GPATCH2L: variants seen among roughly 807,000 people sequenced by gnomAD.
GPATCH2L encodes the protein G-patch domain containing 2 like, also known as G patch domain-containing protein 2-like.
GPATCH2L carries 31 observed loss-of-function variants against 57.4 expected under a neutral mutation model. The observed-to-expected ratio is 0.54, with a 90% CI of 0.41 to 0.73. The LOEUF (loss-of-function observed/expected upper bound fraction) is 0.73. Among genes scored for constraint, GPATCH2L ranks in the 30% least tolerant of loss-of-function variants. The pLI, the probability that GPATCH2L is intolerant of heterozygous loss-of-function variation, is 0.00. For missense variants in GPATCH2L, 481 were observed against 599.9 expected, an observed-to-expected ratio of 0.80 and a Z score of 2.07; for synonymous variants, 199 against 210.7, an observed-to-expected ratio of 0.94 and a Z score of 0.48.
intron 1 of GPATCH2L, among the ~76,000 whole-genome samples, chr14:76,220,040 G>A (rs1165021439): frequency 6.6e-6 from 1 of 151,558 alleles, no homozygotes; most frequent in Non-Finnish European, 1.5e-5. Context: ...GCCTTCCCTG[G>A]CTCCACGTTG....
intron 5 of GPATCH2L, chr14:76,175,021 T>A (rs2039259171): frequency 6.6e-6 from 1 of 152,232 alleles, no homozygotes; most frequent in Non-Finnish European, 1.5e-5. Flanking sequence ...AAAACGCTGC[T>A]TTTTCTGTTT....
chr14:76,219,587 C>T (rs2040505056), intron 1 of GPATCH2L, among the ~76,000 whole-genome samples: 1 of 152,030 alleles, frequency 6.6e-6, no homozygotes, highest in African/African-American at 2.4e-5. Flanking sequence ...TAACGTATGT[C>T]AACATAAAAA....
chr14:76,222,816 C>T (rs1426243516), intron 1 of GPATCH2L, among the ~76,000 whole-genome samples: 2 of 151,434 alleles, frequency 1.3e-5, no homozygotes, highest in Admixed American at 6.6e-5. Context: ...ATTAGCTGGT[C>T]GTGGTGGCAT....
At position 76,212,271 on chromosome 14, in the gene GPATCH2L, T is replaced by G. The variant is rs190310620; in HGVS notation, c.*10420T>G. 1 of 151,922 alleles carries G rather than the reference T, an allele frequency of 6.6e-6. No homozygotes were observed. The highest frequency in any genetic ancestry group is 1.5e-5 in the Non-Finnish European group (1 of 67,962). 9.4% of individuals were successfully genotyped at this position (151,922 alleles called of 1,614,324 possible). ...CTTATCTGTAGATAAAAGGCAAAAA[T>G]GTCAGCAAACACTAATTTCATGTTA... On this transcript the variant is annotated 3_prime_UTR_variant, in exon 10 of 10. Coordinates refer to ENST00000261530, the MANE Select transcript of GPATCH2L (RefSeq NM_017926.4).
At position 76,196,044 on chromosome 14, in the gene GPATCH2L, C is replaced by T. The variant is rs771870412; in HGVS notation, c.1288+72C>T. On this transcript the variant is annotated intron_variant, in intron 9 of 9. Transcript: ENST00000261530. ...GCACTAAATTATGTGTTTTGTATAC[C>T]TTTTCATGTAATGTTTGTGATAGTG... 2.4e-5 allele frequency: 26 copies of T among 1,071,862 alleles called. No individual in the cohort carries two copies. The East Asian group carries it at 6.1e-4, about 25-fold the overall frequency. 66.4% of individuals were successfully genotyped at this position (1,071,862 alleles called of 1,614,324 possible).
At chr14:76,173,815 G>A (rs995107736) in intron 5 of GPATCH2L, 190 bp downstream of exon 5, 20 of 504,208 alleles carry the variant, frequency 4.0e-5, no homozygotes, top group African/African-American at 3.7e-4. Flanking sequence ...AAGATGAAAC[G>A]TAATTCATAT....
intron 8 of GPATCH2L, among the ~76,000 whole-genome samples, chr14:76,187,660 G>A (rs952054263): frequency 3.9e-5 from 6 of 152,024 alleles, no homozygotes; most frequent in South Asian, 2.1e-4. Flanking sequence ...CATGTAATGC[G>A]TAATAATCAC....
chr14:76,223,857 G>A (rs1477800687), intron 1 of GPATCH2L, among the ~76,000 whole-genome samples: 1 of 152,144 alleles, frequency 6.6e-6, no homozygotes, highest in African/African-American at 2.4e-5. Context: ...AGTCACTGAA[G>A]AAACACTGAA....
rs1280302845 is a variant in GPATCH2L at position 76,209,541 on chromosome 14, C to T, written c.*7690C>T. On this transcript the variant is annotated 3_prime_UTR_variant, in exon 10 of 10. Coordinates refer to ENST00000261530, the MANE Select transcript of GPATCH2L (RefSeq NM_017926.4). ...AAAGATGGCCTGGACTGTGTTCCCT[C>T]TTCTGCTTTCTCCTCTTCCGGGTCT... The T allele has an allele frequency of 1.3e-5, 2 of 152,398 alleles. No individual in the cohort carries two copies. The highest frequency in any genetic ancestry group is 4.8e-5 in the African/African-American group (2 of 41,458). 9.4% of individuals were successfully genotyped at this position (152,398 alleles called of 1,614,324 possible).
intron 2 of GPATCH2L, among the ~76,000 whole-genome samples, chr14:76,230,742 T>C (rs554848485): frequency 6.6e-6 from 1 of 152,360 alleles, no homozygotes; most frequent in African/African-American, 2.4e-5. Context: ...GTTATCAACA[T>C]CTGGAAAGCA....
At chr14:76,194,502 T>TGTGC in intron 8 of GPATCH2L, among the ~76,000 whole-genome samples, 1 of 152,210 alleles carries the variant, frequency 6.6e-6, no homozygotes, top group Middle Eastern at 3.4e-3. Flanking sequence ...TGTGTGTGTG[T>TGTGC]GTGCACGCTC....
chr14:76,165,750 A>G lies in GPATCH2L; in HGVS notation c.663-913A>G, dbSNP rs137937606. On this transcript the variant is annotated intron_variant, in intron 2 of 9. Coordinates refer to ENST00000261530, the MANE Select transcript of GPATCH2L (RefSeq NM_017926.4). ...AGGACATTTGGAAATGTTGCAAAATACAAAATATTTTCAGATTTTTGATCC... is the reference window on the plus strand; with the variant it reads ...AGGACATTTGGAAATGTTGCAAAATGCAAAATATTTTCAGATTTTTGATCC... Among the ~76,000 whole-genome samples the G allele has an allele frequency of 1.1e-4, 17 of 152,348 alleles. No homozygotes were observed. In the East Asian group the frequency reaches 3.3e-3, roughly 29 times the overall value.
intron 8 of GPATCH2L, among the ~76,000 whole-genome samples, chr14:76,182,065 GA>G (rs1484824225): frequency 6.6e-6 from 1 of 152,142 alleles, no homozygotes; most frequent in African/African-American, 2.4e-5. Flanking sequence ...GTGTTATTAA[GA>G]ATGTTGAACT....
At position 76,154,839 on chromosome 14, in the gene GPATCH2L, G is replaced by A. The variant is rs1335409877; in HGVS notation, c.476G>A (p.Arg159Lys). ...GATTGGAGCTATGAGAGAGGCTGCAGGTTCAAGTCTGCTAAGAAGCAGCGT... is the reference window on the plus strand; with the variant it reads ...GATTGGAGCTATGAGAGAGGCTGCAAGTTCAAGTCTGCTAAGAAGCAGCGT... ...VSDWSYERGC[R>K]FKSAKKQRLS... is the part of the protein sequence containing the mutation. Residue 159 changes from arginine (R) to lysine (K), a missense_variant, in exon 2 of 10, where the codon AGG becomes AAG. By Grantham distance (26) the Arg-to-Lys change is conservative. Coordinates refer to ENST00000261530, the MANE Select transcript of GPATCH2L (RefSeq NM_017926.4). This position sits in a 1 kb window ranked among gnomAD's most constrained non-coding sequence, Gnocchi z 4.4. 5.0e-6 allele frequency: 8 copies of A among 1,614,122 alleles called. 1 individual carries two copies. The South Asian group carries it at 8.8e-5, about 18-fold the overall frequency.
chr14:76,173,326 A>G (rs920647901), intron 4 of GPATCH2L, among the ~76,000 whole-genome samples: 1 of 152,116 alleles, frequency 6.6e-6, no homozygotes, highest in Non-Finnish European at 1.5e-5. Flanking sequence ...CCTCTTTTAT[A>G]GATGGAGGAT....
At chr14:76,230,511 G>A (rs1434657917) in intron 2 of GPATCH2L, 1 of 152,110 alleles carries the variant, frequency 6.6e-6, no homozygotes, top group East Asian at 1.9e-4. Context: ...GCCTCTGGGT[G>A]GGGCCTTACT....
intron 1 of GPATCH2L, among the ~76,000 whole-genome samples, chr14:76,229,555 T>C (rs117833335): frequency 8.9e-4 from 136 of 152,314 alleles, no homozygotes; most frequent in Non-Finnish European, 1.3e-3. Flanking sequence ...ATATGGGCCC[T>C]GGAAGCAGAG....
chr14:76,195,280 T>C (rs1164332539), intron 8 of GPATCH2L, among the ~76,000 whole-genome samples: 3 of 152,214 alleles, frequency 2.0e-5, no homozygotes, highest in Non-Finnish European at 4.4e-5. Flanking sequence ...CACAGAATCG[T>C]TTGCTTTTAA....
At chr14:76,191,302 T>G (rs1166459489) in intron 8 of GPATCH2L, among the ~76,000 whole-genome samples, 5 of 152,104 alleles carry the variant, frequency 3.3e-5, no homozygotes, top group Non-Finnish European at 7.4e-5. Context: ...GGGGAAGTGG[T>G]CAACCTCCTT....
Sources: allele counts gnomAD v4.1 joint callset (sites outside exome capture counted in the v4.1 genomes callset), GRCh38; gene constraint gnomAD v4.1.1; non-coding constraint Gnocchi (gnomAD v3.1); transcripts MANE v1.5; gene names NCBI Gene and HGNC (gene_info 2026-07-23, HGNC 2026-07-21).